Variants in BLCAP observed in about 807,000 individuals in gnomAD.
The protein encoded by BLCAP is apoptosis inducing factor BLCAP.
A neutral mutation model predicts 5.7 loss-of-function variants in BLCAP; 1 was observed. The observed-to-expected ratio is 0.18, with a 90% CI of 0.06 to 0.83. BLCAP has a LOEUF of 0.83. Among genes scored for constraint, BLCAP ranks in the 40% least tolerant of loss-of-function variants. The probability of loss-of-function intolerance (pLI) is 0.71; values close to 1 mark genes in which losing one functional copy is unlikely to be tolerated. For synonymous variants in BLCAP, 48 were observed against 49.4 expected (o/e 0.97, Z 0.11); for missense variants, 66 against 107.6 (o/e 0.61, Z 1.71).
chr20:37,522,506 A>G, intron 1 of BLCAP: 1 of 1,518,186 alleles, frequency 6.6e-7, no homozygotes, highest in Non-Finnish European at 9.1e-7. Context: ...GAAAAGCTCC[A>G]GCTGCCCTGA....
intron 1 of BLCAP, among the ~76,000 whole-genome samples, chr20:37,526,264 GT>G (rs2071716260): frequency 6.9e-6 from 1 of 145,788 alleles, no homozygotes; most frequent in South Asian, 2.3e-4. Flanking sequence ...TGAATTTGCA[GT>G]TAACTTCCCC....
chr20:37,519,923 T>C (rs1251042660), intron 1 of BLCAP, among the ~76,000 whole-genome samples: 1 of 152,226 alleles, frequency 6.6e-6, no homozygotes, highest in African/African-American at 2.4e-5. Context: ...AGCCTCGAAA[T>C]ATTTTAAGAT....
chr20:37,522,905 T>G (rs1330775582), intron 1 of BLCAP: 2 of 642,348 alleles, frequency 3.1e-6, no homozygotes, highest in Non-Finnish European at 5.3e-6. Flanking sequence ...GAGGGGCCAG[T>G]AGACCCCCGG....
At chr20:37,525,142 C>G (rs1189785175) in intron 1 of BLCAP, among the ~76,000 whole-genome samples, 1 of 152,190 alleles carries the variant, frequency 6.6e-6, no homozygotes, top group Non-Finnish European at 1.5e-5. Context: ...CATATCTTGG[C>G]AGGCCTCAAA....
Position 37,518,918 on chromosome 20 carries a change from C to T in BLCAP, c.257G>A (p.Gly86Asp). The change falls in exon 2 of 2, where the codon GGC (glycine) becomes GAC (aspartate). Residue 86 changes from glycine to aspartate, a missense_variant. Physicochemically the swap from Gly to Asp is moderately conservative, Grantham distance 94 (BLOSUM62 -1). Transcript: ENST00000373537. Reference sequence around the variant, plus strand: ...AGCTAACAGGGCAGGCCGTTAGGTGCCCACAACGCCGGGATCATGCGCCGA... The same window carrying T: ...AGCTAACAGGGCAGGCCGTTAGGTGTCCACAACGCCGGGATCATGCGCCGA... ...PESAHDPGVV[G>D]T The T allele has an allele frequency of 6.2e-7, 1 of 1,614,104 alleles. No individual in the cohort carries two copies. The highest frequency in any genetic ancestry group is 1.1e-5 in the South Asian group (1 of 91,076).
Position 37,517,852 on chromosome 20 carries a change from C to T in BLCAP, c.*1059G>A, listed in dbSNP as rs2071434115. On this transcript the variant is annotated 3_prime_UTR_variant, in exon 2 of 2. Coordinates refer to ENST00000373537, the MANE Select transcript of BLCAP (RefSeq NM_006698.4). ...ACCTCGGAGTCCAGTGTGCTGGTCA[C>T]TCTGCAATCCCCATGCTAAATAAAA... The T allele has an allele frequency of 6.6e-6, 1 of 152,658 alleles. No individual in the cohort carries two copies. The highest frequency in any genetic ancestry group is 6.5e-5 in the Admixed American group (1 of 15,282). 9.5% of individuals were successfully genotyped at this position (152,658 alleles called of 1,614,324 possible).
chr20:37,518,944 T>A lies in BLCAP; in HGVS notation c.231A>T (p.Glu77Asp). 1 of 1,614,164 alleles carries A rather than the reference T, an allele frequency of 6.2e-7. No homozygotes were observed. The highest frequency in any genetic ancestry group is 8.5e-7 in the Non-Finnish European group (1 of 1,180,028). Reference protein sequence around the residue: ...LYHCSDSPLPESAHDPGVVGT With the variant: ...LYHCSDSPLPDSAHDPGVVGT Reference sequence around the variant, plus strand: ...CCACAACGCCGGGATCATGCGCCGATTCTGGAAGCGGGGAATCGGAGCAGT... The same window carrying A: ...CCACAACGCCGGGATCATGCGCCGAATCTGGAAGCGGGGAATCGGAGCAGT... The change falls in exon 2 of 2, where the codon GAA (glutamate) becomes GAT (aspartate). Residue 77 changes from glutamate (E) to aspartate (D), a missense_variant. Transcript: ENST00000373537.
In BLCAP at chr20:37,521,127, T is replaced by G; in HGVS notation, c.-176-1777A>C. The G allele has an allele frequency of 1.6e-6, 1 of 626,540 alleles. No homozygotes were observed. The highest frequency in any genetic ancestry group is 2.9e-6 in the Non-Finnish European group (1 of 349,684). 38.8% of individuals were successfully genotyped at this position (626,540 alleles called of 1,614,324 possible). A position where few individuals can be genotyped will look rare whatever the true frequency, so the allele number is the denominator to read the frequency against. On this transcript the variant is annotated intron_variant, in intron 1 of 1. Coordinates refer to ENST00000373537, the MANE Select transcript of BLCAP (RefSeq NM_006698.4). This position sits in a 1 kb window ranked among gnomAD's most constrained non-coding sequence, Gnocchi z 4.5. ...GTATGGAAAGAGCAGATGGATTATT[T>G]TTTTCCTCTCCTGGCGAATGAGGAG...
chr20:37,520,782 G>C (rs1159302279), intron 1 of BLCAP, among the ~76,000 whole-genome samples: 1 of 152,234 alleles, frequency 6.6e-6, no homozygotes, highest in Non-Finnish European at 1.5e-5. Flanking sequence ...CAGGAAAAGA[G>C]CGCCGAGCAC....
Position 37,519,022 on chromosome 20 carries a change from C to G in BLCAP, c.153G>C (p.Leu51=), listed in dbSNP as rs373962159. The change falls in exon 2 of 2, where the codon CTG becomes CTC. Residue 51 remains leucine (L), a synonymous_variant. Coordinates refer to ENST00000373537, the MANE Select transcript of BLCAP (RefSeq NM_006698.4). ...KPCTICALVF[L]AALFLICYSC... ...TATAGCAGATAAGGAACAGGGCTGC[C>G]AGGAAAACCAAGGCACAAATTGTGC... is the stretch of plus-strand genomic sequence containing the variant. 3.7e-6 allele frequency: 6 copies of G among 1,614,066 alleles called. No individual in the cohort carries two copies. In the African/African-American group the frequency reaches 8.0e-5, roughly 22 times the overall value.
intron 1 of BLCAP, among the ~76,000 whole-genome samples, chr20:37,525,133 ATATCT>A (rs1568688206): frequency 6.6e-6 from 1 of 152,054 alleles, no homozygotes; most frequent in African/African-American, 2.4e-5. Context: ...TCTGAACCCC[ATATCT>A]TGGCAGGCCT....
At position 37,521,445 on chromosome 20, in the gene BLCAP, C is replaced by T. The variant is rs1402796965; in HGVS notation, c.-176-2095G>A. 1 of 1,588,858 alleles carries T rather than the reference C, an allele frequency of 6.3e-7. No individual in the cohort carries two copies. On this transcript the variant is annotated intron_variant, in intron 1 of 1. Transcript: ENST00000373537. This position sits in a 1 kb window ranked among gnomAD's most constrained non-coding sequence, Gnocchi z 4.5. ...TTCGGGTGGGAGAGGGTTCCCAACT[C>T]GCGCCCCTAGAACCCGCAAGACTGC...
chr20:37,521,192 G>A lies in BLCAP; in HGVS notation c.-176-1842C>T, dbSNP rs971002528. 2.5e-6 allele frequency: 2 copies of A among 800,518 alleles called. No individual in the cohort carries two copies. The highest frequency in any genetic ancestry group is 2.5e-5 in the East Asian group (1 of 40,434). 49.6% of individuals were successfully genotyped at this position (800,518 alleles called of 1,614,324 possible). A position where few individuals can be genotyped will look rare whatever the true frequency, so the allele number is the denominator to read the frequency against. Reference sequence around the variant, plus strand: ...CCTCCTCATAAACACCCCCCAAGGCGCGCATGCGCACTTAGGTGGCGGGCG... The same window carrying A: ...CCTCCTCATAAACACCCCCCAAGGCACGCATGCGCACTTAGGTGGCGGGCG... On this transcript the variant is annotated intron_variant, in intron 1 of 1. Transcript: ENST00000373537. This position sits in a 1 kb window ranked among gnomAD's most constrained non-coding sequence, Gnocchi z 4.5.
rs2071458874 is a variant in BLCAP, at chr20:37,518,761, T to C, written c.*150A>G. On this transcript the variant is annotated 3_prime_UTR_variant, in exon 2 of 2. Coordinates refer to ENST00000373537, the MANE Select transcript of BLCAP (RefSeq NM_006698.4). Reference sequence around the variant, plus strand: ...CACCGGTCAGTGCCATTATTCACATTGTAAGGATAAAACATCACAGGCCAA... The same window carrying C: ...CACCGGTCAGTGCCATTATTCACATCGTAAGGATAAAACATCACAGGCCAA... 9.1e-7 allele frequency: 1 copy of C among 1,104,550 alleles called. No individual in the cohort carries two copies. The highest frequency in any genetic ancestry group is 2.4e-5 in the Admixed American group (1 of 41,500). The allele number at this position is 1,104,550 out of a possible 1,614,324, so 68.4% of individuals were successfully genotyped here.
Position 37,522,522 on chromosome 20 carries a change from G to C in BLCAP, c.-176-3172C>G. 1.0e-5 allele frequency: 15 copies of C among 1,456,896 alleles called. No homozygotes were observed. The South Asian group carries it at 1.8e-4, about 17-fold the overall frequency. 90.2% of individuals were successfully genotyped at this position (1,456,896 alleles called of 1,614,324 possible). ...AAAAGCTCCAGCTGCCCTGACTCGT[G>C]GACAAGCTGCGCCCGCGCCCGCCTC... On this transcript the variant is annotated intron_variant, in intron 1 of 1. Transcript: ENST00000373537.
rs2071572784 is a variant in BLCAP at position 37,521,515 on chromosome 20, G to A, written c.-176-2165C>T. 5 of 1,101,400 alleles carry A rather than the reference G, an allele frequency of 4.5e-6. No individual in the cohort carries two copies. Among genetic ancestry groups the A allele is most frequent in the Admixed American group, 1.8e-5 (1 of 55,026 alleles). The allele number at this position is 1,101,400 out of a possible 1,614,324, so 68.2% of individuals were successfully genotyped here. ...GGACCCGTCCTATTCCGATTGCCGC[G>A]ATCCTTGCCTGCCCAAGTGCCGCTG... is the stretch of plus-strand genomic sequence containing the variant. On this transcript the variant is annotated intron_variant, in intron 1 of 1. Coordinates refer to ENST00000373537, the MANE Select transcript of BLCAP (RefSeq NM_006698.4). The surrounding 1 kb of genome is among the most constrained non-coding windows in gnomAD (Gnocchi z 4.5).
chr20:37,525,651 C>T (rs1319455375), intron 1 of BLCAP, among the ~76,000 whole-genome samples: 1 of 152,254 alleles, frequency 6.6e-6, no homozygotes, highest in Non-Finnish European at 1.5e-5. Flanking sequence ...AGTGCATTCA[C>T]TTTCCATCCA....
rs1473477596 is a variant in BLCAP at position 37,518,691 on chromosome 20, C to T, written c.*220G>A. On this transcript the variant is annotated 3_prime_UTR_variant, in exon 2 of 2. Coordinates refer to ENST00000373537, the MANE Select transcript of BLCAP (RefSeq NM_006698.4). Reference sequence around the variant, plus strand: ...AGGACCTAGATGGGGACAGAACACACACAACCACAAGACCACCCACGACTA... The same window carrying T: ...AGGACCTAGATGGGGACAGAACACATACAACCACAAGACCACCCACGACTA... The T allele has an allele frequency of 9.2e-6, 6 of 653,912 alleles. No individual in the cohort carries two copies. The highest frequency in any genetic ancestry group is 1.5e-5 in the Non-Finnish European group (6 of 394,606). The allele number at this position is 653,912 out of a possible 1,614,324, so 40.5% of individuals were successfully genotyped here.
intron 1 of BLCAP, chr20:37,522,293 C>T (rs2071612701): frequency 7.3e-7 from 1 of 1,373,776 alleles, no homozygotes; most frequent in Non-Finnish European, 1.0e-6. Context: ...CTAAAAGCTC[C>T]CTTTGCAGGA....
Sources: gnomAD v4.1 joint callset for allele counts (sites outside exome capture counted in the v4.1 genomes callset) on GRCh38, gnomAD v4.1.1 for gene constraint, Gnocchi (gnomAD v3.1) non-coding constraint, MANE v1.5 for transcripts, NCBI Gene and HGNC (gene_info 2026-07-23, HGNC 2026-07-21) for gene names.